Variants in SLC2A9 observed in about 807,000 individuals in gnomAD.
The protein encoded by SLC2A9 is solute carrier family 2 member 9.
In SLC2A9, 39 loss-of-function variants were observed where a neutral mutation model predicts 50.6. The observed-to-expected ratio is 0.77, with a 90% CI of 0.60 to 1.01. The LOEUF is 1.01. Ranked by LOEUF, SLC2A9 falls within the 50% of genes least tolerant of loss-of-function variation. The pLI, the probability that SLC2A9 is intolerant of heterozygous loss-of-function variation, is 0.00. For missense variants in SLC2A9, 686 were observed against 677.6 expected, an observed-to-expected ratio of 1.01 and a Z score of -0.14; for synonymous variants, 324 against 276.9, an observed-to-expected ratio of 1.17 and a Z score of -1.69.
chr4:9,836,088 C>CAAAAAAAAAA (rs35303241), intron 10 of SLC2A9, among the ~76,000 whole-genome samples: 51 of 48,130 alleles, frequency 1.1e-3, no homozygotes, highest in African/African-American at 1.6e-3. Context: ...AACTCCCTCT[C>CAAAAAAAAAA]AAAAAAAAAA....
intron 5 of SLC2A9, among the ~76,000 whole-genome samples, chr4:9,955,209 T>C (rs1751010339): frequency 8.9e-6 from 1 of 111,920 alleles, no homozygotes; most frequent in Admixed American, 8.9e-5. Context: ...AAACTCCAAG[T>C]CGGCCGGGCG....
At chr4:9,875,883 C>A (rs1482850571) in intron 10 of SLC2A9, among the ~76,000 whole-genome samples, 15 of 152,208 alleles carry the variant, frequency 9.9e-5, no homozygotes, top group Admixed American at 9.8e-4. Context: ...TGGCACTGGG[C>A]ATTGCCCTGT....
At chr4:10,016,178 C>T (rs184965966) in intron 2 of SLC2A9, among the ~76,000 whole-genome samples, 9 of 152,304 alleles carry the variant, frequency 5.9e-5, no homozygotes, top group East Asian at 1.9e-4. Context: ...GGTAGAGCTC[C>T]GATATCCCAA....
intron 10 of SLC2A9, among the ~76,000 whole-genome samples, chr4:9,878,206 C>G (rs1734603305): frequency 6.6e-6 from 1 of 151,736 alleles, no homozygotes; most frequent in African/African-American, 2.4e-5. Context: ...AGTTTTTGGC[C>G]CAGATTTCTT....
intron 5 of SLC2A9, among the ~76,000 whole-genome samples, chr4:9,950,144 G>A (rs376648165): frequency 6.6e-6 from 1 of 152,154 alleles, no homozygotes. Context: ...CTAGTAAGAT[G>A]GCTCAATTCA....
At chr4:9,798,136 G>C (rs2108911137), downstream of SLC2A9, among the ~76,000 whole-genome samples, 1 of 152,332 alleles carries the variant, frequency 6.6e-6, no homozygotes, top group East Asian at 1.9e-4. Flanking sequence ...GGTGCAACCA[G>C]GTGATCCAAG....
intron 3 of SLC2A9, among the ~76,000 whole-genome samples, chr4:9,992,774 T>C (rs1041985645): frequency 6.6e-6 from 1 of 152,220 alleles, no homozygotes; most frequent in Non-Finnish European, 1.5e-5. Context: ...AGCCAAGTAA[T>C]TCCCTTTTGG....
chr4:9,843,659 A>G (rs1340633298), intron 10 of SLC2A9, among the ~76,000 whole-genome samples: 1 of 152,334 alleles, frequency 6.6e-6, no homozygotes, highest in African/African-American at 2.4e-5. Context: ...AGCAAGGACA[A>G]TGGAATTGAT....
At chr4:9,787,946 T>A (rs1719438900) in intron 3 of SLC2A9, among the ~76,000 whole-genome samples, 1 of 152,236 alleles carries the variant, frequency 6.6e-6, no homozygotes, top group Non-Finnish European at 1.5e-5. Context: ...ATAATTAATA[T>A]GTATTTCCTT....
intron 5 of SLC2A9, among the ~76,000 whole-genome samples, chr4:9,965,519 G>T (rs1752923882): frequency 6.6e-6 from 1 of 152,172 alleles, no homozygotes; most frequent in Non-Finnish European, 1.5e-5. Flanking sequence ...ATTAACAAAA[G>T]ATGATCACAA....
intron 3 of SLC2A9, among the ~76,000 whole-genome samples, chr4:9,989,011 A>T (rs1757219971): frequency 6.6e-6 from 1 of 152,248 alleles, no homozygotes; most frequent in Non-Finnish European, 1.5e-5. Context: ...GAACCTATGG[A>T]AATAATGTAT....
chr4:9,933,625 G>A (rs1043930533), intron 6 of SLC2A9, among the ~76,000 whole-genome samples: 2 of 152,148 alleles, frequency 1.3e-5, no homozygotes, highest in African/African-American at 2.4e-5. Context: ...TGAGGACTAA[G>A]GTAATGGTTG....
chr4:9,786,720 G>A (rs1719264206), intron 3 of SLC2A9, among the ~76,000 whole-genome samples: 2 of 152,178 alleles, frequency 1.3e-5, no homozygotes, highest in South Asian at 2.1e-4. Context: ...TTTGTCCAAG[G>A]TCATGGGAAA....
intron 3 of SLC2A9, among the ~76,000 whole-genome samples, chr4:9,792,166 T>TC (rs1720012494): frequency 7.4e-6 from 1 of 134,998 alleles, no homozygotes; most frequent in Non-Finnish European, 1.6e-5. Context: ...TATGTTTCTT[T>TC]TTTTTTTTTT....
intron 3 of SLC2A9, among the ~76,000 whole-genome samples, chr4:9,809,973 G>A (rs769596112): frequency 7.2e-5 from 11 of 151,814 alleles, no homozygotes; most frequent in Non-Finnish European, 1.2e-4. Context: ...AAGCCCACGA[G>A]TAACATTTTG....
intron 2 of SLC2A9, 38 bp downstream of exon 2, chr4:10,018,937 G>T: frequency 1.3e-6 from 2 of 1,542,870 alleles, no homozygotes; most frequent in Non-Finnish European, 1.8e-6. Context: ...TTTCCGCAGG[G>T]CCGCAGCGCC....
At chr4:9,887,457 G>A in intron 10 of SLC2A9, 110 bp downstream of exon 10, 1 of 1,057,366 alleles carries the variant, frequency 9.5e-7, no homozygotes, top group Non-Finnish European at 1.4e-6. Context: ...TCCCCAGTCA[G>A]GCTTTGCTTC....
At chr4:9,782,654 G>C in intron 3 of SLC2A9, 1 of 1,614,016 alleles carries the variant, frequency 6.2e-7, no homozygotes, top group Non-Finnish European at 8.5e-7. Flanking sequence ...GGACTTTTGG[G>C]AGCCCGACGT....
intron 10 of SLC2A9, among the ~76,000 whole-genome samples, chr4:9,850,360 AGCAT>A (rs1729679607): frequency 6.6e-6 from 1 of 152,158 alleles, no homozygotes; most frequent in African/African-American, 2.4e-5. Context: ...TCTGCAGTGA[AGCAT>A]GGCCAGTGAT....
Sources: gnomAD v4.1 joint callset for allele counts (sites outside exome capture counted in the v4.1 genomes callset) on GRCh38, gnomAD v4.1.1 for gene constraint, MANE v1.5 for transcripts, NCBI Gene and HGNC (gene_info 2026-07-23, HGNC 2026-07-21) for gene names.